SKP2: variants seen among roughly 807,000 people sequenced by gnomAD.
SKP2 encodes S-phase kinase associated protein 2.
In SKP2, 16 loss-of-function variants were observed where a neutral mutation model predicts 51.8. The ratio of observed to expected loss-of-function variants is 0.31; its 90% CI spans 0.21 to 0.47. The LOEUF (loss-of-function observed/expected upper bound fraction) is 0.47, where lower values mean the gene tolerates loss of function less well. Among genes scored for constraint, SKP2 ranks in the 20% least tolerant of loss-of-function variants. The pLI, the probability that SKP2 is intolerant of heterozygous loss-of-function variation, is 1.00. For synonymous variants in SKP2, 176 were observed against 198.6 expected (o/e 0.89, Z 0.96); for missense variants, 377 against 505.3 (o/e 0.75, Z 2.43).
chr5:36,152,724 A>G lies in SKP2; in HGVS notation c.9-47A>G, dbSNP rs910916044. ...TTCTTTAATTGCCTTGAAATTATTTATGGGTGTGTTTTCGAAAGGAACCGG... is the reference window on the plus strand; with the variant it reads ...TTCTTTAATTGCCTTGAAATTATTTGTGGGTGTGTTTTCGAAAGGAACCGG... On this transcript the variant is annotated intron_variant, in intron 1 of 9. Transcript: ENST00000274255. The G allele has an allele frequency of 2.5e-6, 4 of 1,584,466 alleles. No homozygotes were observed. In the Admixed American group the frequency reaches 5.3e-5, roughly 21 times the overall value.
rs112719898 is a variant in SKP2 at position 36,152,751 on chromosome 5, G to A, written c.9-20G>A. ...GGGTGTGTTTTCGAAAGGAACCGGG[G>A]GTATTGTGCACTTCTGCAGGAAGCA... On this transcript the variant is annotated intron_variant, in intron 1 of 9. Transcript: ENST00000274255. 12 of 1,607,750 alleles carry A rather than the reference G, an allele frequency of 7.5e-6. No individual in the cohort carries two copies. In the African/African-American group the frequency reaches 1.3e-4, roughly 18 times the overall value.
intron 2 of SKP2, among the ~76,000 whole-genome samples, chr5:36,160,944 G>A (rs149349726): frequency 8.5e-5 from 13 of 152,220 alleles, no homozygotes; most frequent in African/African-American, 2.6e-4. Context: ...TTTGTCCCCT[G>A]AAGGGCGTGA....
At chr5:36,178,721 G>A (rs1205135746) in intron 9 of SKP2, among the ~76,000 whole-genome samples, 1 of 152,044 alleles carries the variant, frequency 6.6e-6, no homozygotes, top group Admixed American at 6.6e-5. Context: ...GGAGTGTGGT[G>A]ATCATTCTTT....
intron 1 of SKP2, among the ~76,000 whole-genome samples, 154 bp downstream of exon 1, chr5:36,152,424 C>T (rs530142547): frequency 6.6e-6 from 1 of 152,308 alleles, no homozygotes; most frequent in East Asian, 1.9e-4. Context: ...TGGATGGATG[C>T]CTTAGTGCGG....
chr5:36,188,914 A>C (rs1269110890), downstream of SKP2, among the ~76,000 whole-genome samples: 2 of 152,120 alleles, frequency 1.3e-5, no homozygotes, highest in East Asian at 3.8e-4. Context: ...TATTTCTTGG[A>C]GGCTTTGTTC....
chr5:36,189,807 T>TG (rs1211579410), intron 6 of SKP2, among the ~76,000 whole-genome samples: 1 of 152,228 alleles, frequency 6.6e-6, no homozygotes, highest in African/African-American at 2.4e-5. Context: ...GGCTATGCCC[T>TG]GCCCCCAGAG....
intron 2 of SKP2, among the ~76,000 whole-genome samples, 171 bp downstream of exon 2, chr5:36,153,213 G>GATATATATATATAT (rs3038049): frequency 7.7e-4 from 113 of 147,594 alleles, no homozygotes; most frequent in African/African-American, 2.5e-3. Flanking sequence ...AATCTTGGTA[G>GATATATATATATAT]ATATATATAT....
Position 36,182,089 on chromosome 5 carries a change from C to T in SKP2, c.*58C>T. On this transcript the variant is annotated 3_prime_UTR_variant, in exon 10 of 10. Transcript: ENST00000274255. ...GAACAGGGAAAATAGGCAGGAAGCC[C>T]AATTGCTGGAGTACTTAGCTAGTTT... 6.3e-7 allele frequency: 1 copy of T among 1,584,696 alleles called. No homozygotes were observed. The highest frequency in any genetic ancestry group is 8.6e-7 in the Non-Finnish European group (1 of 1,163,466).
At chr5:36,172,251 C>T (rs1561538137) in intron 7 of SKP2, among the ~76,000 whole-genome samples, 1 of 150,132 alleles carries the variant, frequency 6.7e-6, no homozygotes, top group Non-Finnish European at 1.5e-5. Context: ...ACATCAGTTC[C>T]AAGGTTGAAA....
downstream of SKP2, among the ~76,000 whole-genome samples, chr5:36,188,329 G>A (rs976629397): frequency 1.3e-5 from 2 of 152,138 alleles, no homozygotes; most frequent in Non-Finnish European, 2.9e-5. Context: ...TAGCATTAAC[G>A]GTCTTTACAA....
chr5:36,167,791 T>C (rs1329991477), intron 4 of SKP2, among the ~76,000 whole-genome samples: 1 of 152,162 alleles, frequency 6.6e-6, no homozygotes, highest in African/African-American at 2.4e-5. Flanking sequence ...ACTAATTTTT[T>C]GTATTTTTAG....
intron 2 of SKP2, among the ~76,000 whole-genome samples, chr5:36,162,749 G>A (rs1392401368): frequency 6.6e-6 from 1 of 152,130 alleles, no homozygotes; most frequent in Admixed American, 6.5e-5. Context: ...ATATTAGTCT[G>A]TTCTCATGTT....
At position 36,184,273 on chromosome 5, in the gene SKP2, A is replaced by T. The variant is rs28408925; in HGVS notation, c.*2242A>T. 354 of 213,490 alleles carry T rather than the reference A, an allele frequency of 1.7e-3. 3 individuals carry two copies. Among genetic ancestry groups the T allele is most frequent in the African/African-American group, 7.8e-3 (334 of 43,026 alleles). 13.2% of individuals were successfully genotyped at this position (213,490 alleles called of 1,614,324 possible). On this transcript the variant is annotated 3_prime_UTR_variant, in exon 10 of 10. Transcript: ENST00000274255. ...ATACAGTCTTGTTATCTTTTTTTTT[A>T]AATTATACTTTAAGTTCTAGGGTAC...
chr5:36,168,350 G>A lies in SKP2; in HGVS notation c.574G>A (p.Val192Ile). 1 of 1,614,108 alleles carries A rather than the reference G, an allele frequency of 6.2e-7. No individual in the cohort carries two copies. The highest frequency in any genetic ancestry group is 8.5e-7 in the Non-Finnish European group (1 of 1,179,990). The change falls in exon 5 of 10, where the codon GTT (valine) becomes ATT (isoleucine). Residue 192 changes from valine to isoleucine, a missense_variant. Around this residue, in one of 2 missense-constraint regions of SKP2, gnomAD observed 262 missense variants for 389.8 expected, o/e 0.67. Coordinates refer to ENST00000274255, the MANE Select transcript of SKP2 (RefSeq NM_005983.4). ...ACAGCACATGGACCTATCGAACTCAGTTATAGAAGTGTCCACCCTCCACGG... is the reference window on the plus strand; with the variant it reads ...ACAGCACATGGACCTATCGAACTCAATTATAGAAGTGTCCACCCTCCACGG... ...RVQHMDLSNS[V>I]IEVSTLHGIL... is the part of the protein sequence containing the mutation.
In SKP2 at chr5:36,170,373, G is replaced by A. The variant is rs748838630; in HGVS notation, c.701G>A (p.Arg234Gln). 1.2e-6 allele frequency: 2 copies of A among 1,612,464 alleles called. No individual in the cohort carries two copies. Among genetic ancestry groups the A allele is most frequent in the Admixed American group, 3.3e-5 (2 of 59,882 alleles). ...CTCGCAAAAAACTCAAATTTAGTGCGACTTAACCTTTCTGGGTGTTCTGGA... is the reference window on the plus strand; with the variant it reads ...CTCGCAAAAAACTCAAATTTAGTGCAACTTAACCTTTCTGGGTGTTCTGGA... ...NTLAKNSNLV[R>Q]LNLSGCSGFS... The change falls in exon 6 of 10, where the codon CGA becomes CAA. Residue 234 changes from arginine (R) to glutamine (Q), a missense_variant. Arg to Gln is a conservative substitution (Grantham distance 43). Coordinates refer to ENST00000274255, the MANE Select transcript of SKP2 (RefSeq NM_005983.4).
Position 36,183,736 on chromosome 5 carries a change from A to T in SKP2, c.*1705A>T, listed in dbSNP as rs1228911999. 7.0e-7 allele frequency: 1 copy of T among 1,432,780 alleles called. No individual in the cohort carries two copies. Among genetic ancestry groups the T allele is most frequent in the East Asian group, 2.5e-5 (1 of 39,988 alleles). The allele number at this position is 1,432,780 out of a possible 1,614,324, so 88.8% of individuals were successfully genotyped here. ...TACTATGAAGTGCCTTTATCTGCTT[A>T]GACCTAAGGAAGATTTTAAAGTTGG... On this transcript the variant is annotated 3_prime_UTR_variant, in exon 10 of 10. Coordinates refer to ENST00000274255, the MANE Select transcript of SKP2 (RefSeq NM_005983.4).
intron 9 of SKP2, chr5:36,180,142 A>C: frequency 1.9e-6 from 1 of 526,304 alleles, no homozygotes; most frequent in South Asian, 1.4e-5. Context: ...TACTCCACCT[A>C]CAGTTTCTTC....
rs550966315 is a variant in SKP2, at chr5:36,177,051, T to C, written c.953+35T>C. 37 of 1,470,624 alleles carry C rather than the reference T, an allele frequency of 2.5e-5. 1 individual carries two copies. The South Asian group carries it at 4.2e-4, about 17-fold the overall frequency. 91.1% of individuals were successfully genotyped at this position (1,470,624 alleles called of 1,614,324 possible). On this transcript the variant is annotated intron_variant, in intron 8 of 9. Transcript: ENST00000274255. Reference sequence around the variant, plus strand: ...TATTTGTTTATTTTAGATCAAAAGTTGAAAAATCTTGATTTCTCATTAAAT... The same window carrying C: ...TATTTGTTTATTTTAGATCAAAAGTCGAAAAATCTTGATTTCTCATTAAAT...
chr5:36,166,718 A>G lies in SKP2; in HGVS notation c.536+56A>G. On this transcript the variant is annotated intron_variant, in intron 4 of 9. Coordinates refer to ENST00000274255, the MANE Select transcript of SKP2 (RefSeq NM_005983.4). The stretch of plus-strand genomic sequence containing the variant: ...TTTCTAAATTTCGAGGTAGAAACAG[A>G]TCAAAGCTTTTTTTTTTTTTTTCTT... 4 of 1,392,856 alleles carry G rather than the reference A, an allele frequency of 2.9e-6. No individual in the cohort carries two copies. In the South Asian group the frequency reaches 5.0e-5, roughly 17 times the overall value. The allele number at this position is 1,392,856 out of a possible 1,614,324, so 86.3% of individuals were successfully genotyped here. A position where few individuals can be genotyped will look rare whatever the true frequency, so the allele number is the denominator to read the frequency against.
Sources: allele counts gnomAD v4.1 joint callset (sites outside exome capture counted in the v4.1 genomes callset), GRCh38; gene constraint gnomAD v4.1.1; regional missense constraint gnomAD v4.1.1; transcripts MANE v1.5; gene names NCBI Gene and HGNC (gene_info 2026-07-23, HGNC 2026-07-21).